The following LRMDA variants were observed in gnomAD, a reference collection of about 807,000 sequenced individuals.
LRMDA encodes the protein leucine-rich melanocyte differentiation-associated protein.
A neutral mutation model predicts 29.8 loss-of-function variants in LRMDA; 18 were observed. The observed-to-expected ratio is 0.60, with a 90% CI of 0.42 to 0.90. The LOEUF (loss-of-function observed/expected upper bound fraction) is 0.90. LRMDA is among the 40% of genes least tolerant of loss of function. LRMDA has a pLI of 0.00. For synonymous variants in LRMDA, 125 were observed against 109.4 expected (o/e 1.14, Z -0.89); for missense variants, 273 against 273.9 (o/e 1.00, Z 0.02).
chr10:76,200,003 C>T (rs1369112837), intron 5 of LRMDA, among the ~76,000 whole-genome samples: 2 of 152,162 alleles, frequency 1.3e-5, no homozygotes, highest in Non-Finnish European at 2.9e-5. Context: ...ACTCTGTCAC[C>T]CAGGCTGGAG....
chr10:76,347,614 C>T lies in LRMDA; in HGVS notation c.601+23129C>T, dbSNP rs376400994. 1.2e-4 allele frequency among the ~76,000 whole-genome samples: 19 copies of T among 152,228 alleles called. No homozygotes were observed. The East Asian group carries it at 1.4e-3, about 11-fold the overall frequency. On this transcript the variant is annotated intron_variant, in intron 6 of 6. Transcript: ENST00000611255. ...CTTACATGCCTCTGGGGAAAATAGACCCCTAAAAATCACCGAGTGCAGCAC... is the reference window on the plus strand; with the variant it reads ...CTTACATGCCTCTGGGGAAAATAGATCCCTAAAAATCACCGAGTGCAGCAC...
chr10:76,469,109 A>G (rs774417617), intron 6 of LRMDA, among the ~76,000 whole-genome samples: 14 of 152,166 alleles, frequency 9.2e-5, no homozygotes, highest in Non-Finnish European at 1.9e-4. Context: ...AAAAGGAACA[A>G]TGGGATTCTG....
At chr10:76,353,832 T>C (rs1231435990) in intron 6 of LRMDA, among the ~76,000 whole-genome samples, 1 of 152,142 alleles carries the variant, frequency 6.6e-6, no homozygotes, top group African/African-American at 2.4e-5. Flanking sequence ...TTCTGTTCCA[T>C]TACTTTGTAA....
At chr10:76,185,849 G>T (rs888150422) in intron 5 of LRMDA, among the ~76,000 whole-genome samples, 1 of 152,114 alleles carries the variant, frequency 6.6e-6, no homozygotes, top group African/African-American at 2.4e-5. Flanking sequence ...CTGTTCGACT[G>T]CCAGAAACTC....
At chr10:75,551,162 CTT>C (rs71307703) in intron 2 of LRMDA, among the ~76,000 whole-genome samples, 89 of 136,036 alleles carry the variant, frequency 6.5e-4, no homozygotes, top group Admixed American at 7.4e-4. Context: ...AGTCAGCTAT[CTT>C]TTTTTTTTTT....
intron 5 of LRMDA, among the ~76,000 whole-genome samples, chr10:76,059,107 C>T (rs1156450527): frequency 6.6e-6 from 1 of 152,020 alleles, no homozygotes; most frequent in African/African-American, 2.4e-5. Flanking sequence ...AAGCATTGGG[C>T]ATGGGTGGGC....
At chr10:76,353,338 G>GTGTGTGTGTA (rs1459886399) in intron 6 of LRMDA, among the ~76,000 whole-genome samples, 1 of 151,376 alleles carries the variant, frequency 6.6e-6, no homozygotes, top group African/African-American at 2.4e-5. Flanking sequence ...AGTTGTGTGT[G>GTGTGTGTGTA]TGTGTGTGTG....
At chr10:75,973,947 T>A (rs1217587495) in intron 2 of LRMDA, among the ~76,000 whole-genome samples, 1 of 152,070 alleles carries the variant, frequency 6.6e-6, no homozygotes, top group Non-Finnish European at 1.5e-5. Flanking sequence ...TTGATATAGG[T>A]CTTTTGTGGA....
intron 6 of LRMDA, among the ~76,000 whole-genome samples, chr10:76,404,027 G>T (rs997013895): frequency 9.9e-5 from 15 of 151,808 alleles, no homozygotes; most frequent in Non-Finnish European, 1.9e-4. Context: ...TCCCTCTTTC[G>T]CAACTGCCCC....
intron 6 of LRMDA, among the ~76,000 whole-genome samples, chr10:76,333,841 C>T (rs902974570): frequency 3.3e-5 from 5 of 152,074 alleles, no homozygotes; most frequent in South Asian, 2.1e-4. Context: ...CACAATAGAC[C>T]GAATACTGAT....
chr10:76,541,022 A>G (rs1220837018), intron 6 of LRMDA, among the ~76,000 whole-genome samples: 1 of 152,206 alleles, frequency 6.6e-6, no homozygotes, highest in African/African-American at 2.4e-5. Flanking sequence ...ATGGAGCAAC[A>G]TGTTTGACCA....
At chr10:75,660,703 TG>T (rs5786185) in intron 2 of LRMDA, among the ~76,000 whole-genome samples, 5 of 151,126 alleles carry the variant, frequency 3.3e-5, no homozygotes, top group Non-Finnish European at 7.4e-5. Flanking sequence ...GTGTTCACCA[TG>T]TTTTTTTTTT....
chr10:76,544,796 C>T (rs1402582099), intron 6 of LRMDA, among the ~76,000 whole-genome samples: 1 of 151,298 alleles, frequency 6.6e-6, no homozygotes, highest in Non-Finnish European at 1.5e-5. Flanking sequence ...AGTTGAAGAT[C>T]AGGAAATTAT....
At chr10:75,609,649 G>A (rs1321556944) in intron 2 of LRMDA, among the ~76,000 whole-genome samples, 2 of 152,198 alleles carry the variant, frequency 1.3e-5, no homozygotes, top group African/African-American at 4.8e-5. Context: ...GACAGGTGTA[G>A]TGCATTGGAA....
intron 6 of LRMDA, among the ~76,000 whole-genome samples, chr10:76,355,101 TA>T: frequency 6.6e-6 from 1 of 152,242 alleles, no homozygotes; most frequent in Non-Finnish European, 1.5e-5. Flanking sequence ...CTGGGACCTA[TA>T]AAATAAGTAT....
At chr10:76,503,344 G>A (rs1842930130) in intron 6 of LRMDA, among the ~76,000 whole-genome samples, 1 of 151,898 alleles carries the variant, frequency 6.6e-6, no homozygotes, top group African/African-American at 2.4e-5. Flanking sequence ...TGTAGAATGA[G>A]TAAGGGAGGA....
At chr10:75,827,909 G>A (rs1241322818) in intron 2 of LRMDA, among the ~76,000 whole-genome samples, 1 of 152,162 alleles carries the variant, frequency 6.6e-6, no homozygotes, top group South Asian at 2.1e-4. Context: ...ATTCCAGGAT[G>A]AGCTGGAATT....
intron 2 of LRMDA, among the ~76,000 whole-genome samples, chr10:75,701,888 C>T (rs1019028098): frequency 2.0e-5 from 3 of 152,172 alleles, no homozygotes; most frequent in Admixed American, 6.5e-5. Context: ...GCTACAACCT[C>T]CCAACAATCT....
At chr10:75,480,828 G>A (rs1247749128) in intron 2 of LRMDA, among the ~76,000 whole-genome samples, 2 of 152,210 alleles carry the variant, frequency 1.3e-5, no homozygotes, top group African/African-American at 2.4e-5. Context: ...GAGCAGTGGA[G>A]TGTGGAAGGA....
Sources: allele counts gnomAD v4.1 joint callset (sites outside exome capture counted in the v4.1 genomes callset), GRCh38; gene constraint gnomAD v4.1.1; transcripts MANE v1.5; gene names NCBI Gene and HGNC (gene_info 2026-07-23, HGNC 2026-07-21).